Variants in PACRG observed in about 807,000 individuals in gnomAD.
PACRG encodes the protein parkin coregulated.
In PACRG, 29 loss-of-function variants were observed where a neutral mutation model predicts 29.7. That is an observed-to-expected ratio of 0.98 (90% confidence interval 0.73 to 1.33). The LOEUF (loss-of-function observed/expected upper bound fraction) is 1.33, where lower values mean the gene tolerates loss of function less well. Among genes scored for constraint, PACRG ranks in the 40% most tolerant of loss-of-function variants. The pLI is 0.00. For missense variants in PACRG, 279 were observed against 316.2 expected (o/e 0.88, Z 0.89); for synonymous variants, 116 against 118.7 (o/e 0.98, Z 0.15).
At chr6:162,747,548 G>A (rs1336179031) in intron 1 of PACRG, among the ~76,000 whole-genome samples, 1 of 136,488 alleles carries the variant, frequency 7.3e-6, no homozygotes, top group East Asian at 2.3e-4. Flanking sequence ...GTTATCAAAA[G>A]CATGTATCAG....
At chr6:163,094,065 C>T (rs1814352506) in intron 4 of PACRG, among the ~76,000 whole-genome samples, 1 of 152,202 alleles carries the variant, frequency 6.6e-6, no homozygotes, top group East Asian at 1.9e-4. Context: ...TGATAACCCT[C>T]CTTGATATTC....
chr6:163,252,500 C>T (rs1264908416), intron 4 of PACRG, among the ~76,000 whole-genome samples: 1 of 152,170 alleles, frequency 6.6e-6, no homozygotes, highest in Admixed American at 6.5e-5. Context: ...GAGGAGGTGA[C>T]GCTTGAGGTA....
At chr6:162,925,481 T>C (rs1308873725) in intron 2 of PACRG, among the ~76,000 whole-genome samples, 1 of 152,180 alleles carries the variant, frequency 6.6e-6, no homozygotes, top group African/African-American at 2.4e-5. Flanking sequence ...CAAGTGAGCT[T>C]CATGCCTGGA....
chr6:162,813,922 C>G (rs1787099471), intron 1 of PACRG, among the ~76,000 whole-genome samples: 1 of 152,200 alleles, frequency 6.6e-6, no homozygotes, highest in Non-Finnish European at 1.5e-5. Context: ...GGAATGCTTT[C>G]TAAAGTAGCT....
intron 2 of PACRG, among the ~76,000 whole-genome samples, chr6:162,820,712 G>A (rs1019377909): frequency 1.3e-5 from 2 of 152,080 alleles, no homozygotes; most frequent in Non-Finnish European, 2.9e-5. Flanking sequence ...AAATCTTGTA[G>A]GCAAATTTAT....
chr6:163,192,504 G>T (rs1242284169), intron 4 of PACRG, among the ~76,000 whole-genome samples: 1 of 152,000 alleles, frequency 6.6e-6, no homozygotes, highest in Non-Finnish European at 1.5e-5. Flanking sequence ...CAGCTCTTTT[G>T]TCAAACATTT....
chr6:162,882,260 G>A (rs541591248), intron 2 of PACRG, among the ~76,000 whole-genome samples: 5 of 146,882 alleles, frequency 3.4e-5, no homozygotes, highest in African/African-American at 1.3e-4. Flanking sequence ...GATCCAGGGG[G>A]CTCTCTCCAC....
intron 2 of PACRG, among the ~76,000 whole-genome samples, chr6:162,990,153 G>T (rs1803313262): frequency 6.6e-6 from 1 of 151,570 alleles, no homozygotes; most frequent in Non-Finnish European, 1.5e-5. Context: ...GGACATTTGG[G>T]TTGGTTCCAA....
At chr6:163,200,908 C>A (rs966524705) in intron 4 of PACRG, among the ~76,000 whole-genome samples, 1 of 152,160 alleles carries the variant, frequency 6.6e-6, no homozygotes, top group Admixed American at 6.5e-5. Flanking sequence ...CATTCCTGGG[C>A]CCCAGAACCC....
Position 162,960,985 on chromosome 6 carries a change from G to A in PACRG, c.292-101165G>A, listed in dbSNP as rs554897898. Among the ~76,000 whole-genome samples the A allele has an allele frequency of 1.0e-3, 140 of 134,532 alleles. 1 individual carries two copies. Among genetic ancestry groups the A allele is most frequent in the Admixed American group, 5.2e-3 (70 of 13,508 alleles). 88.3% of individuals were successfully genotyped at this position (134,532 alleles called of 152,430 possible). ...AACCTGGTTTAGGTCATGTGCCCAT[G>A]CCAGAATCAAATATTGTGGCCATGA... On this transcript the variant is annotated intron_variant, in intron 2 of 4. Transcript: ENST00000366888.
chr6:162,894,709 T>C (rs1437482967), intron 2 of PACRG, among the ~76,000 whole-genome samples: 3 of 152,220 alleles, frequency 2.0e-5, no homozygotes, highest in Non-Finnish European at 1.5e-5. Flanking sequence ...TTAGGTTTCC[T>C]TTTGTTGATT....
intron 2 of PACRG, among the ~76,000 whole-genome samples, chr6:162,887,808 C>T (rs775260345): frequency 2.0e-5 from 3 of 147,064 alleles, no homozygotes; most frequent in Admixed American, 6.8e-5. Flanking sequence ...GGCAAGAGAC[C>T]GGTCTTTGGT....
chr6:163,095,141 C>T (rs1001482600), intron 4 of PACRG, among the ~76,000 whole-genome samples: 3 of 152,172 alleles, frequency 2.0e-5, no homozygotes, highest in African/African-American at 4.8e-5. Context: ...GATGCCCCCA[C>T]GCGTGGTCAG....
At chr6:162,933,961 C>T (rs866991494) in intron 2 of PACRG, among the ~76,000 whole-genome samples, 1 of 151,992 alleles carries the variant, frequency 6.6e-6, no homozygotes, top group Non-Finnish European at 1.5e-5. Flanking sequence ...TTCACATAAA[C>T]GAATAAGAAT....
intron 2 of PACRG, among the ~76,000 whole-genome samples, chr6:163,057,355 T>C (rs1160921346): frequency 6.6e-6 from 1 of 152,208 alleles, no homozygotes; most frequent in African/African-American, 2.4e-5. Context: ...AATTTTGGTC[T>C]CATTATACTT....
intron 4 of PACRG, among the ~76,000 whole-genome samples, chr6:163,263,291 G>T (rs1487761106): frequency 1.3e-5 from 2 of 151,672 alleles, no homozygotes; most frequent in Non-Finnish European, 2.9e-5. Context: ...ACTTGAACAG[G>T]CTAACTGACC....
chr6:162,998,444 G>C (rs1284239938), intron 2 of PACRG, among the ~76,000 whole-genome samples: 1 of 152,098 alleles, frequency 6.6e-6, no homozygotes, highest in Non-Finnish European at 1.5e-5. Context: ...ATGTGAGCAG[G>C]TATTTGTTAT....
intron 4 of PACRG, among the ~76,000 whole-genome samples, chr6:163,214,324 T>C (rs976051352): frequency 6.6e-6 from 1 of 152,168 alleles, no homozygotes; most frequent in Admixed American, 6.5e-5. Flanking sequence ...GGGGAGTTTC[T>C]ACCCATTCTT....
intron 4 of PACRG, among the ~76,000 whole-genome samples, chr6:163,300,901 C>G (rs6902822): frequency 0.091 from 13,575 of 149,850 alleles, 732 homozygotes; most frequent in Non-Finnish European, 0.12. Flanking sequence ...GCCACATCCA[C>G]TGCTTCCCAT....
Sources: gnomAD v4.1 joint callset for allele counts (sites outside exome capture counted in the v4.1 genomes callset) on GRCh38, gnomAD v4.1.1 for gene constraint, MANE v1.5 for transcripts, NCBI Gene and HGNC (gene_info 2026-07-23, HGNC 2026-07-21) for gene names.